The following RASSF6 variants were observed in gnomAD, a reference collection of about 807,000 sequenced individuals.
RASSF6 encodes the protein ras association domain-containing protein 6.
RASSF6 carries 52 observed loss-of-function variants against 44.0 expected under a neutral mutation model. The ratio of observed to expected loss-of-function variants is 1.18; its 90% CI spans 0.95 to 1.49. RASSF6 has a LOEUF of 1.49. Ranked by LOEUF, RASSF6 falls within the 40% of genes most tolerant of loss-of-function variation. The pLI, the probability that RASSF6 is intolerant of heterozygous loss-of-function variation, is 0.00. For missense variants in RASSF6, 464 were observed against 393.3 expected (o/e 1.18, Z -1.52); for synonymous variants, 162 against 124.6 (o/e 1.30, Z -2.00).
chr4:73,613,601 C>T (rs1397160214), intron 1 of RASSF6, among the ~76,000 whole-genome samples: 1 of 152,166 alleles, frequency 6.6e-6, no homozygotes, highest in East Asian at 1.9e-4. Context: ...TTTAGCCCTA[C>T]CTCCACCTCT....
intron 1 of RASSF6, among the ~76,000 whole-genome samples, chr4:73,613,515 C>A (rs1285670423): frequency 6.6e-6 from 1 of 152,082 alleles, no homozygotes; most frequent in African/African-American, 2.4e-5. Flanking sequence ...GACTGAAATC[C>A]CCCAGTGATG....
At chr4:73,576,378 C>T (rs376115527) in intron 10 of RASSF6, 32 bp downstream of exon 10, 307 of 1,458,514 alleles carry the variant, frequency 2.1e-4, no homozygotes, top group Non-Finnish European at 2.6e-4. Context: ...TATTAAAGAA[C>T]GGAGTATCCA....
At chr4:73,593,006 T>G (rs1724668784) in intron 4 of RASSF6, among the ~76,000 whole-genome samples, 1 of 136,788 alleles carries the variant, frequency 7.3e-6, no homozygotes, top group Non-Finnish European at 1.5e-5. Context: ...ACCAACTTCA[T>G]TGAGTTGCTG....
intron 4 of RASSF6, among the ~76,000 whole-genome samples, chr4:73,591,009 C>T (rs1487216035): frequency 6.6e-6 from 1 of 152,152 alleles, no homozygotes; most frequent in African/African-American, 2.4e-5. Context: ...TCCACCTGGG[C>T]TCTTGAAACT....
intron 2 of RASSF6, among the ~76,000 whole-genome samples, chr4:73,603,189 T>G (rs2149389185): frequency 6.6e-6 from 1 of 152,302 alleles, no homozygotes; most frequent in Non-Finnish European, 1.5e-5. Flanking sequence ...AGAGCCTTGG[T>G]TTTTGGAACG....
intron 2 of RASSF6, chr4:73,604,194 GACA>G (rs1336562495): frequency 6.6e-6 from 1 of 152,156 alleles, no homozygotes; most frequent in Non-Finnish European, 1.5e-5. Flanking sequence ...GCTGCTTAGT[GACA>G]ACAACATTAA....
chr4:73,576,294 C>T lies in RASSF6; in HGVS notation c.955G>A (p.Ala319Thr), dbSNP rs527690668. ...RIVTKFNKEK[A>T]IILKCLQNKL... The stretch of plus-strand genomic sequence containing the variant: ...TTTTGAAGACATTTCAGTATAATCG[C>T]CTTTTCTTTATTGAATCTGAAAATG... Residue 319 changes from alanine (A) to threonine (T), a missense_variant, in exon 11 of 11, where the codon GCG becomes ACG. Coordinates refer to ENST00000307439, the MANE Select transcript of RASSF6 (RefSeq NM_177532.5). The T allele has an allele frequency of 6.1e-5, 95 of 1,559,420 alleles. No homozygotes were observed. Among genetic ancestry groups the T allele is most frequent in the South Asian group, 2.6e-4 (23 of 88,018 alleles).
intron 1 of RASSF6, among the ~76,000 whole-genome samples, chr4:73,615,410 A>G (rs1440547764): frequency 1.3e-5 from 2 of 152,158 alleles, no homozygotes; most frequent in African/African-American, 4.8e-5. Flanking sequence ...GGAGAATAAC[A>G]GAGAAGTCAT....
chr4:73,607,295 T>A (rs2149393443), intron 2 of RASSF6, among the ~76,000 whole-genome samples: 1 of 152,276 alleles, frequency 6.6e-6, no homozygotes, highest in Middle Eastern at 3.4e-3. Context: ...GCCTTCCTCT[T>A]CAGCCTCCTT....
chr4:73,579,626 C>G (rs115558074), intron 8 of RASSF6, among the ~76,000 whole-genome samples: 1 of 151,658 alleles, frequency 6.6e-6, no homozygotes, highest in Non-Finnish European at 1.5e-5. Context: ...CTATTTTTAT[C>G]GGATTGTCTG....
chr4:73,607,039 A>C (rs2149393129), intron 2 of RASSF6, among the ~76,000 whole-genome samples: 1 of 152,230 alleles, frequency 6.6e-6, no homozygotes, highest in South Asian at 2.1e-4. Flanking sequence ...GTTCTTCAGT[A>C]ATGCTGCCAT....
chr4:73,613,616 C>T (rs2149399397), intron 1 of RASSF6, among the ~76,000 whole-genome samples: 1 of 152,302 alleles, frequency 6.6e-6, no homozygotes, highest in Middle Eastern at 3.4e-3. Context: ...ACCTCTCCAT[C>T]CATGTTCCAA....
At chr4:73,589,096 C>T (rs578169883) in intron 4 of RASSF6, among the ~76,000 whole-genome samples, 1 of 152,156 alleles carries the variant, frequency 6.6e-6, no homozygotes, top group Admixed American at 6.6e-5. Flanking sequence ...TCTTTTGAAG[C>T]GTGTTTTATG....
intron 1 of RASSF6, among the ~76,000 whole-genome samples, chr4:73,617,104 TTAAG>T (rs1726413473): frequency 6.6e-6 from 1 of 152,180 alleles, no homozygotes; most frequent in Non-Finnish European, 1.5e-5. Context: ...TATCACTTAA[TTAAG>T]TAATATTGGT....
intron 3 of RASSF6, 71 bp from the exon 4 acceptor site, chr4:73,593,664 T>C: frequency 2.0e-6 from 3 of 1,493,976 alleles, no homozygotes; most frequent in Non-Finnish European, 9.2e-7. Context: ...TTAACGAAGA[T>C]GTAGAAATTA....
chr4:73,603,065 G>A (rs1444122224), intron 2 of RASSF6, among the ~76,000 whole-genome samples: 2 of 152,120 alleles, frequency 1.3e-5, no homozygotes, highest in African/African-American at 4.8e-5. Context: ...TCCAGCCTGG[G>A]CGACGGAGCA....
At chr4:73,613,179 C>G (rs1259513837) in intron 1 of RASSF6, among the ~76,000 whole-genome samples, 1 of 152,182 alleles carries the variant, frequency 6.6e-6, no homozygotes, top group African/African-American at 2.4e-5. Context: ...TTGTGCTTCT[C>G]TAGTTGGAAA....
At chr4:73,598,592 A>G (rs367933749) in intron 3 of RASSF6, 48 bp downstream of exon 3, 1 of 871,476 alleles carries the variant, frequency 1.1e-6, no homozygotes, top group Admixed American at 2.4e-5. Context: ...GTGTGCACGC[A>G]TGTGTGTGTG....
At chr4:73,618,177 CT>C (rs1357649172) in intron 1 of RASSF6, among the ~76,000 whole-genome samples, 1 of 152,038 alleles carries the variant, frequency 6.6e-6, no homozygotes, top group Non-Finnish European at 1.5e-5. Flanking sequence ...ACTCTTTTCT[CT>C]CTTTCTCTCT....
Sources: allele counts gnomAD v4.1 joint callset (sites outside exome capture counted in the v4.1 genomes callset), GRCh38; gene constraint gnomAD v4.1.1; transcripts MANE v1.5; gene names NCBI Gene and HGNC (gene_info 2026-07-23, HGNC 2026-07-21).